The following DLG2 variants were observed in gnomAD, a reference collection of about 807,000 sequenced individuals.
The protein encoded by DLG2 is discs large MAGUK scaffold protein 2, also known as disks large homolog 2.
In DLG2, 45 loss-of-function variants were observed where a neutral mutation model predicts 132.5. That is an observed-to-expected ratio of 0.34 (90% confidence interval 0.27 to 0.44). The LOEUF (loss-of-function observed/expected upper bound fraction) is 0.44, where lower values mean the gene tolerates loss of function less well. Among genes scored for constraint, DLG2 ranks in the 20% least tolerant of loss-of-function variants. The pLI, the probability that DLG2 is intolerant of heterozygous loss-of-function variation, is 1.00. For synonymous variants in DLG2, 424 were observed against 419.6 expected (o/e 1.01, Z -0.13); for missense variants, 1,045 against 1,196.9 (o/e 0.87, Z 1.87).
chr11:85,381,760 T>G (rs963447300), intron 3 of DLG2, among the ~76,000 whole-genome samples: 2 of 152,124 alleles, frequency 1.3e-5, no homozygotes, highest in Non-Finnish European at 1.5e-5. Context: ...TTTGTAAATT[T>G]TTTTTTAAAT....
At chr11:83,909,502 A>C (rs977886957) in intron 15 of DLG2, among the ~76,000 whole-genome samples, 1 of 152,210 alleles carries the variant, frequency 6.6e-6, no homozygotes, top group Non-Finnish European at 1.5e-5. Context: ...ACTCTGGTGA[A>C]TAGCAAGAAA....
intron 11 of DLG2, among the ~76,000 whole-genome samples, chr11:83,992,899 G>A (rs879494377): frequency 6.6e-6 from 1 of 152,152 alleles, no homozygotes; most frequent in Non-Finnish European, 1.5e-5. Flanking sequence ...GTCAGAGAAT[G>A]AAGAAATCAC....
chr11:84,270,867 T>C (rs2097712737), intron 7 of DLG2, among the ~76,000 whole-genome samples: 1 of 152,202 alleles, frequency 6.6e-6, no homozygotes, highest in Non-Finnish European at 1.5e-5. Context: ...AAGGAGGCAA[T>C]TATTTGAGCC....
At chr11:84,516,657 C>T (rs978990437) in intron 7 of DLG2, among the ~76,000 whole-genome samples, 13 of 151,404 alleles carry the variant, frequency 8.6e-5, no homozygotes, top group Non-Finnish European at 1.9e-4. Context: ...GCCAATTCTT[C>T]TCAAACACTT....
chr11:84,791,822 GCT>G (rs1456724842), intron 6 of DLG2, among the ~76,000 whole-genome samples: 1 of 152,072 alleles, frequency 6.6e-6, no homozygotes, highest in Non-Finnish European at 1.5e-5. Context: ...AGTTCCGATA[GCT>G]CTTTCGGTGG....
intron 18 of DLG2, among the ~76,000 whole-genome samples, chr11:83,689,505 T>C (rs946412624): frequency 5.3e-5 from 8 of 152,182 alleles, no homozygotes; most frequent in African/African-American, 9.6e-5. Context: ...TCCTGATTCA[T>C]TCAAGCTGAC....
intron 6 of DLG2, among the ~76,000 whole-genome samples, chr11:84,791,376 G>A (rs572267776): frequency 6.6e-6 from 1 of 152,178 alleles, no homozygotes; most frequent in Non-Finnish European, 1.5e-5. Flanking sequence ...GTCAGGTAAT[G>A]TGATTCCTCC....
intron 11 of DLG2, among the ~76,000 whole-genome samples, chr11:83,980,951 G>A (rs999353927): frequency 6.6e-6 from 1 of 152,152 alleles, no homozygotes; most frequent in African/African-American, 2.4e-5. Context: ...CAGGGATCAG[G>A]TGAAGGGTGT....
chr11:84,627,202 T>C (rs866306516), intron 6 of DLG2, among the ~76,000 whole-genome samples: 50 of 152,180 alleles, frequency 3.3e-4, no homozygotes, highest in African/African-American at 1.1e-3. Context: ...GAACACAGTA[T>C]ATTAGCAACC....
At chr11:85,221,739 G>A (rs146310453) in intron 4 of DLG2, among the ~76,000 whole-genome samples, 2 of 152,288 alleles carry the variant, frequency 1.3e-5, no homozygotes, top group African/African-American at 2.4e-5. Context: ...AGCTCAAAGA[G>A]GAGTAGTGGT....
intron 3 of DLG2, among the ~76,000 whole-genome samples, chr11:85,408,910 C>T (rs1361414961): frequency 6.6e-6 from 1 of 151,638 alleles, no homozygotes; most frequent in Non-Finnish European, 1.5e-5. Flanking sequence ...GGGTATATAC[C>T]CAGTAATGGG....
At chr11:84,268,622 C>T (rs149680423) in intron 7 of DLG2, among the ~76,000 whole-genome samples, 4,096 of 138,944 alleles carry the variant, frequency 0.029, 96 homozygotes, top group South Asian at 0.095. Flanking sequence ...CCACCACGCC[C>T]GGCTAATTTT....
intron 18 of DLG2, among the ~76,000 whole-genome samples, chr11:83,749,013 T>C (rs2093121167): frequency 6.6e-6 from 1 of 152,260 alleles, no homozygotes; most frequent in Non-Finnish European, 1.5e-5. Context: ...TGGTCAATTA[T>C]ATCAGTTTTG....
chr11:84,088,150 T>A (rs909505136), intron 10 of DLG2, among the ~76,000 whole-genome samples: 2 of 152,214 alleles, frequency 1.3e-5, no homozygotes, highest in Non-Finnish European at 2.9e-5. Flanking sequence ...AAGTTATCTA[T>A]TTTTTCTTTG....
intron 9 of DLG2, among the ~76,000 whole-genome samples, chr11:84,145,151 A>T (rs2095029968): frequency 6.6e-6 from 1 of 152,202 alleles, no homozygotes; most frequent in Non-Finnish European, 1.5e-5. Flanking sequence ...CAACTTGGGG[A>T]TACAGCTTTG....
chr11:84,502,386 CTTT>C (rs2099221178), intron 7 of DLG2, among the ~76,000 whole-genome samples: 1 of 90,744 alleles, frequency 1.1e-5, no homozygotes, highest in Non-Finnish European at 2.1e-5. Flanking sequence ...TTCTTTCTTT[CTTT>C]CTTTCTTTCT....
intron 10 of DLG2, among the ~76,000 whole-genome samples, chr11:84,073,833 T>C (rs966816298): frequency 6.6e-6 from 1 of 152,216 alleles, no homozygotes; most frequent in South Asian, 2.1e-4. Context: ...TTACCATGAC[T>C]ATAACAGGTG....
chr11:84,363,405 T>C (rs956976653), intron 7 of DLG2, among the ~76,000 whole-genome samples: 3 of 152,146 alleles, frequency 2.0e-5, no homozygotes, highest in African/African-American at 7.2e-5. Flanking sequence ...AGATTCTGGA[T>C]ATTAGCCCTT....
chr11:84,128,195 G>A (rs2094264725), intron 9 of DLG2, among the ~76,000 whole-genome samples: 2 of 152,120 alleles, frequency 1.3e-5, no homozygotes, highest in African/African-American at 4.8e-5. Flanking sequence ...GGAAGAAGGT[G>A]TGAGATGTTA....
Sources: gnomAD v4.1 joint callset for allele counts (sites outside exome capture counted in the v4.1 genomes callset) on GRCh38, gnomAD v4.1.1 for gene constraint, MANE v1.5 for transcripts, NCBI Gene and HGNC (gene_info 2026-07-23, HGNC 2026-07-21) for gene names.